Variants in NTM observed in about 807,000 individuals in gnomAD.
NTM encodes the protein IgLON family member 2.
Under a neutral mutation model 42.1 loss-of-function variants are expected in NTM, and 13 were observed. The ratio of observed to expected loss-of-function variants is 0.31; its 90% CI spans 0.20 to 0.49. The LOEUF is 0.49. NTM is among the 20% of genes least tolerant of loss of function. The pLI, the probability that NTM is intolerant of heterozygous loss-of-function variation, is 0.99. For synonymous variants in NTM, 187 were observed against 179.2 expected (o/e 1.04, Z -0.35); for missense variants, 373 against 452.8 (o/e 0.82, Z 1.60).
At chr11:131,608,501 C>T (rs917099064) in intron 1 of NTM, among the ~76,000 whole-genome samples, 1 of 152,146 alleles carries the variant, frequency 6.6e-6, no homozygotes, top group African/African-American at 2.4e-5. Context: ...GAGCTTTGTC[C>T]ATGTGAGGAT....
intron 2 of NTM, among the ~76,000 whole-genome samples, chr11:131,968,772 C>T (rs372934307): frequency 2.3e-4 from 35 of 152,238 alleles, no homozygotes; most frequent in African/African-American, 7.0e-4. Flanking sequence ...TATCCTCCCC[C>T]GAAATGCATT....
intron 2 of NTM, among the ~76,000 whole-genome samples, chr11:131,956,572 A>G (rs2061579046): frequency 6.7e-6 from 1 of 150,058 alleles, no homozygotes; most frequent in African/African-American, 2.5e-5. Flanking sequence ...GGTACTGCCG[A>G]GACTGGGTTC....
chr11:131,550,542 T>C (rs1431173988), intron 1 of NTM, among the ~76,000 whole-genome samples: 1 of 152,206 alleles, frequency 6.6e-6, no homozygotes, highest in East Asian at 1.9e-4. Context: ...GCTCTGGCCA[T>C]GCAAGACCTG....
intron 1 of NTM, among the ~76,000 whole-genome samples, chr11:131,753,408 C>T (rs2135722498): frequency 6.6e-6 from 1 of 152,090 alleles, no homozygotes; most frequent in African/African-American, 2.4e-5. Flanking sequence ...ACCAAAAGGA[C>T]TATAAATCAT....
intron 4 of NTM, among the ~76,000 whole-genome samples, chr11:132,257,549 G>T (rs2092576944): frequency 1.3e-5 from 2 of 152,138 alleles, no homozygotes; most frequent in African/African-American, 2.4e-5. Flanking sequence ...CTGCAGTGTG[G>T]CCTGGGAACT....
intron 1 of NTM, among the ~76,000 whole-genome samples, chr11:131,697,206 C>A (rs7110796): frequency 0.11 from 16,215 of 152,194 alleles, 2,835 homozygotes; most frequent in African/African-American, 0.36. Context: ...ACAGTCATTA[C>A]AATTTTAGAA....
intron 1 of NTM, among the ~76,000 whole-genome samples, chr11:131,551,763 C>T (rs2054697352): frequency 6.6e-6 from 1 of 152,172 alleles, no homozygotes; most frequent in South Asian, 2.1e-4. Context: ...GAGAAGCATG[C>T]AGGCCCAAAG....
At chr11:131,666,916 G>T (rs2069160457) in intron 1 of NTM, among the ~76,000 whole-genome samples, 1 of 152,160 alleles carries the variant, frequency 6.6e-6, no homozygotes, top group South Asian at 2.1e-4. Flanking sequence ...AAAGATCCAG[G>T]TCTCACATCT....
At chr11:131,778,157 A>G (rs1316837877) in intron 1 of NTM, among the ~76,000 whole-genome samples, 3 of 152,248 alleles carry the variant, frequency 2.0e-5, no homozygotes, top group African/African-American at 4.8e-5. Flanking sequence ...CTGTCATTCA[A>G]ATCCCAATAT....
chr11:132,107,714 T>G (rs989875705), intron 2 of NTM, among the ~76,000 whole-genome samples: 4 of 152,130 alleles, frequency 2.6e-5, no homozygotes, highest in African/African-American at 7.2e-5. Flanking sequence ...TGTGCAGCAA[T>G]GTATCATGGG....
chr11:131,564,268 C>T (rs1273678033), intron 1 of NTM, among the ~76,000 whole-genome samples: 1 of 99,300 alleles, frequency 1.0e-5, no homozygotes, highest in Non-Finnish European at 1.8e-5. Flanking sequence ...ATTTATGCCA[C>T]CTTATTTATT....
chr11:132,044,060 G>T (rs2077577989), intron 2 of NTM, among the ~76,000 whole-genome samples: 1 of 150,440 alleles, frequency 6.6e-6, no homozygotes, highest in Non-Finnish European at 1.5e-5. Flanking sequence ...ATGTGTGTAT[G>T]TGTGTGTATG....
intron 1 of NTM, among the ~76,000 whole-genome samples, chr11:131,858,614 G>A (rs1012082080): frequency 6.6e-6 from 1 of 152,186 alleles, no homozygotes; most frequent in African/African-American, 2.4e-5. Context: ...CCCTGCAAAT[G>A]AGGCAATAGC....
In NTM at chr11:131,801,512, G is replaced by A. The variant is rs368847732; in HGVS notation, c.83-110052G>A. Among the ~76,000 whole-genome samples the A allele has an allele frequency of 3.5e-4, 54 of 152,246 alleles. No individual in the cohort carries two copies. In the East Asian group the frequency reaches 6.6e-3, roughly 19 times the overall value. ...TGGAGACAGAGCCTGTGGCAGTTTC[G>A]CCATAGCACAGGGTCATTTCACCTT... is the stretch of plus-strand genomic sequence containing the variant. On this transcript the variant is annotated intron_variant, in intron 1 of 8. Transcript: ENST00000683400.
intron 4 of NTM, among the ~76,000 whole-genome samples, chr11:132,264,943 C>T (rs138128484): frequency 0.011 from 1,658 of 152,274 alleles, 24 homozygotes; most frequent in African/African-American, 0.035. Flanking sequence ...CAGGCCCCAC[C>T]ATAATGACCT....
intron 2 of NTM, among the ~76,000 whole-genome samples, chr11:131,918,376 C>T (rs488137): frequency 0.25 from 37,849 of 152,120 alleles, 6,151 homozygotes; most frequent in East Asian, 0.72. Context: ...CGTTCTTATG[C>T]TTTGACTCTC....
intron 2 of NTM, among the ~76,000 whole-genome samples, chr11:132,047,723 C>G (rs971435877): frequency 3.3e-5 from 5 of 152,230 alleles, no homozygotes; most frequent in Non-Finnish European, 7.3e-5. Context: ...GGCCTCCTTC[C>G]TCTTAGGCCC....
chr11:131,885,614 C>T (rs1328277076), intron 1 of NTM, among the ~76,000 whole-genome samples: 1 of 152,224 alleles, frequency 6.6e-6, no homozygotes, highest in Non-Finnish European at 1.5e-5. Context: ...ATTCCATTTT[C>T]ATACCCACCT....
chr11:131,690,507 C>T (rs2074522827), intron 1 of NTM, among the ~76,000 whole-genome samples: 1 of 152,226 alleles, frequency 6.6e-6, no homozygotes, highest in African/African-American at 2.4e-5. Flanking sequence ...CATGGGCTCA[C>T]GGCAGAACCC....
Sources: allele counts gnomAD v4.1 joint callset (sites outside exome capture counted in the v4.1 genomes callset), GRCh38; gene constraint gnomAD v4.1.1; transcripts MANE v1.5; gene names NCBI Gene and HGNC (gene_info 2026-07-23, HGNC 2026-07-21).